Variants in EPB41 observed in about 807,000 individuals in gnomAD.
EPB41 encodes the protein erythrocyte membrane protein band 4.1.
A neutral mutation model predicts 108.0 loss-of-function variants in EPB41; 65 were observed. The observed-to-expected ratio is 0.60, with a 90% CI of 0.49 to 0.74. The LOEUF (loss-of-function observed/expected upper bound fraction) is 0.74. Among genes scored for constraint, EPB41 ranks in the 30% least tolerant of loss-of-function variants. The pLI is 0.00. For missense variants in EPB41, 875 were observed against 1,037.0 expected (o/e 0.84, Z 2.15); for synonymous variants, 336 against 358.9 (o/e 0.94, Z 0.72).
chr1:28,982,975 G>A (rs1489611239), intron 1 of EPB41, among the ~76,000 whole-genome samples: 1 of 151,172 alleles, frequency 6.6e-6, no homozygotes, highest in Non-Finnish European at 1.5e-5. Flanking sequence ...TGGTCTTTTG[G>A]GATTTCAACA....
At chr1:29,042,922 T>A (rs1301900852) in intron 11 of EPB41, among the ~76,000 whole-genome samples, 2 of 152,196 alleles carry the variant, frequency 1.3e-5, no homozygotes, top group African/African-American at 2.4e-5. Context: ...ACGTGACATC[T>A]GGTAAATGGA....
chr1:28,932,013 C>T (rs982253671), intron 1 of EPB41, among the ~76,000 whole-genome samples: 9 of 152,088 alleles, frequency 5.9e-5, no homozygotes. Flanking sequence ...TTGTAATATG[C>T]CTAGTCTATA....
intron 4 of EPB41, among the ~76,000 whole-genome samples, chr1:29,000,084 T>C (rs547933893): frequency 6.6e-6 from 1 of 151,354 alleles, no homozygotes; most frequent in Admixed American, 6.6e-5. Flanking sequence ...CCACTATGCC[T>C]TGCCACTATT....
rs1365329241 is a variant in EPB41, at chr1:28,964,627, A to AAAT, written c.-7-22802_-7-22801insTAA. On this transcript the variant is annotated intron_variant, in intron 1 of 20. Transcript: ENST00000343067. ...GTCTCAAATAAATAAATAAATAAATAAAATAAATAAATAAATAAAATTTTC... is the reference window on the plus strand; with the variant it reads ...GTCTCAAATAAATAAATAAATAAATAAATAAATAAATAAATAAATAAAATTTTC... 1.8e-3 allele frequency among the ~76,000 whole-genome samples: 265 copies of AAAT among 149,872 alleles called. 2 individuals carry two copies. The East Asian group carries it at 0.029, about 17-fold the overall frequency.
intron 16 of EPB41, among the ~76,000 whole-genome samples, chr1:29,092,071 C>CAT (rs1354773875): frequency 2.7e-5 from 4 of 148,648 alleles, no homozygotes; most frequent in Non-Finnish European, 6.0e-5. Context: ...ATTGTTTACT[C>CAT]ATAGGAACAC....
chr1:28,961,890 C>T (rs1443702965), intron 1 of EPB41, among the ~76,000 whole-genome samples: 3 of 152,084 alleles, frequency 2.0e-5, no homozygotes, highest in South Asian at 2.1e-4. Context: ...ACTGGTTCCT[C>T]CTCTATATAG....
chr1:28,916,730 T>G (rs2148124887), intron 1 of EPB41, among the ~76,000 whole-genome samples: 1 of 152,364 alleles, frequency 6.6e-6, no homozygotes, highest in South Asian at 2.1e-4. Context: ...TTTCCTTGTA[T>G]GTTTGAATTC....
intron 1 of EPB41, among the ~76,000 whole-genome samples, chr1:28,899,053 C>T (rs543499753): frequency 3.3e-5 from 5 of 152,260 alleles, no homozygotes; most frequent in African/African-American, 9.6e-5. Flanking sequence ...GGAACAGACA[C>T]GGACCTCAGA....
intron 16 of EPB41, among the ~76,000 whole-genome samples, chr1:29,093,734 G>A (rs756609847): frequency 2.6e-5 from 4 of 152,082 alleles, no homozygotes; most frequent in East Asian, 3.9e-4. Context: ...GTGAAACTCC[G>A]TCTCTACTAA....
chr1:28,917,510 AC>A (rs1352661503), intron 1 of EPB41, among the ~76,000 whole-genome samples: 1 of 151,132 alleles, frequency 6.6e-6, no homozygotes, highest in East Asian at 2.0e-4. Flanking sequence ...CGATTTCTTG[AC>A]CTCGTGATCC....
intron 1 of EPB41, among the ~76,000 whole-genome samples, chr1:28,960,209 T>G (rs2095146662): frequency 6.6e-6 from 1 of 151,526 alleles, no homozygotes; most frequent in South Asian, 2.1e-4. Flanking sequence ...GGGCGTCTCA[T>G]CATGTTACCC....
intron 16 of EPB41, among the ~76,000 whole-genome samples, chr1:29,081,633 T>C (rs6694981): frequency 0.81 from 123,658 of 152,070 alleles, 50,910 homozygotes; most frequent in Middle Eastern, 0.89. Flanking sequence ...GTCGGGAGTT[T>C]GAGACCAGTC....
intron 1 of EPB41, among the ~76,000 whole-genome samples, chr1:28,977,451 T>A (rs1454052278): frequency 6.6e-6 from 1 of 151,844 alleles, no homozygotes; most frequent in Non-Finnish European, 1.5e-5. Context: ...TGCACACTTT[T>A]AAAACAAGTA....
intron 1 of EPB41, among the ~76,000 whole-genome samples, chr1:28,906,780 CTT>C (rs780439196): frequency 2.1e-5 from 3 of 143,906 alleles, no homozygotes; most frequent in African/African-American, 2.6e-5. Flanking sequence ...CTTTTTTTTT[CTT>C]TTTTTTTTTT....
chr1:29,036,443 T>C (rs1312356321), intron 10 of EPB41, among the ~76,000 whole-genome samples: 1 of 151,960 alleles, frequency 6.6e-6, no homozygotes, highest in East Asian at 1.9e-4. Context: ...GTATTTTTAA[T>C]AGAGACACGC....
intron 1 of EPB41, among the ~76,000 whole-genome samples, chr1:28,955,766 A>AG (rs1439092796): frequency 1.3e-5 from 2 of 152,200 alleles, no homozygotes; most frequent in African/African-American, 4.8e-5. Flanking sequence ...GGTGGGAGTC[A>AG]GAGGAGACTG....
chr1:28,894,552 A>G (rs369738013), intron 1 of EPB41, among the ~76,000 whole-genome samples: 1 of 152,088 alleles, frequency 6.6e-6, no homozygotes, highest in Admixed American at 6.6e-5. Context: ...TGGCAACTGG[A>G]CTTCCTGGAG....
At chr1:28,925,431 T>C (rs2093391338) in intron 1 of EPB41, among the ~76,000 whole-genome samples, 1 of 152,078 alleles carries the variant, frequency 6.6e-6, no homozygotes, top group African/African-American at 2.4e-5. Flanking sequence ...ATTTTAGTGG[T>C]AGGGGATAAA....
intron 16 of EPB41, among the ~76,000 whole-genome samples, chr1:29,094,729 C>T (rs887789607): frequency 1.3e-5 from 2 of 152,076 alleles, no homozygotes; most frequent in Non-Finnish European, 2.9e-5. Flanking sequence ...CTTCTTCTTC[C>T]ACCTAGAGCA....
Sources: allele counts gnomAD v4.1 joint callset (sites outside exome capture counted in the v4.1 genomes callset), GRCh38; gene constraint gnomAD v4.1.1; transcripts MANE v1.5; gene names NCBI Gene and HGNC (gene_info 2026-07-23, HGNC 2026-07-21).